The following PCDHGA1 variants were observed in gnomAD, a reference collection of about 807,000 sequenced individuals.
PCDHGA1 encodes the protein protocadherin gamma-A1.
PCDHGA1 carries 32 observed loss-of-function variants against 58.0 expected under a neutral mutation model. The observed-to-expected ratio is 0.55, with a 90% confidence interval of 0.42 to 0.74. The LOEUF (loss-of-function observed/expected upper bound fraction) is 0.74. PCDHGA1 is among the 30% of genes least tolerant of loss of function. PCDHGA1 has a pLI of 0.00. For missense variants in PCDHGA1, 1,205 were observed against 1,182.3 expected, an observed-to-expected ratio of 1.02 and a Z score of -0.28; for synonymous variants, 498 against 501.1, an observed-to-expected ratio of 0.99 and a Z score of 0.08.
At chr5:141,481,812 C>T (rs2099545604) in intron 1 of PCDHGA1, among the ~76,000 whole-genome samples, 2 of 149,798 alleles carry the variant, frequency 1.3e-5, no homozygotes, top group South Asian at 2.1e-4. Context: ...ATTCACCAGG[C>T]GTGGTGGCTG....
intron 1 of PCDHGA1, chr5:141,344,208 C>G: frequency 6.2e-7 from 1 of 1,614,052 alleles, no homozygotes; most frequent in Non-Finnish European, 8.5e-7. Flanking sequence ...GCCCCGGGAG[C>G]TGGCGGAGCG....
intron 1 of PCDHGA1, chr5:141,383,022 AG>A: frequency 6.2e-7 from 1 of 1,613,826 alleles, no homozygotes; most frequent in Non-Finnish European, 8.5e-7. Context: ...AGACGGACAA[AG>A]GGTCCTTTGT....
Position 141,491,300 on chromosome 5 carries a change from G to T in PCDHGA1, c.2422-3507G>T. On this transcript the variant is annotated intron_variant, in intron 1 of 3. Coordinates refer to ENST00000517417, the MANE Select transcript of PCDHGA1 (RefSeq NM_018912.3). The surrounding 1 kb of genome is among the most constrained non-coding windows in gnomAD (Gnocchi z 6.9). Reference sequence around the variant, plus strand: ...GACTTCCTCATACACCCTCCTGAGCGTTCAGACCTTACCCTTTACCTCATT... The same window carrying T: ...GACTTCCTCATACACCCTCCTGAGCTTTCAGACCTTACCCTTTACCTCATT... The T allele has an allele frequency of 6.2e-7, 1 of 1,614,136 alleles. No homozygotes were observed. The highest frequency in any genetic ancestry group is 8.5e-7 in the Non-Finnish European group (1 of 1,179,962).
chr5:141,344,364 G>A (rs1392259698), intron 1 of PCDHGA1: 11 of 1,613,712 alleles, frequency 6.8e-6, no homozygotes, highest in Non-Finnish European at 8.5e-6. Flanking sequence ...CATTCTGGTT[G>A]AGGATAAATT....
intron 1 of PCDHGA1, chr5:141,341,749 G>C: frequency 2.4e-6 from 1 of 419,826 alleles, no homozygotes; most frequent in Non-Finnish European, 4.2e-6. Flanking sequence ...AAAATATAAA[G>C]ATTGGAGTTT....
chr5:141,480,102 T>C (rs568342271), intron 1 of PCDHGA1, among the ~76,000 whole-genome samples: 1 of 152,320 alleles, frequency 6.6e-6, no homozygotes, highest in South Asian at 2.1e-4. Flanking sequence ...GCAAAGTGTT[T>C]AGCATGGTGC....
intron 1 of PCDHGA1, chr5:141,423,755 G>GGT (rs1554116817): frequency 5.9e-6 from 3 of 512,508 alleles, no homozygotes; most frequent in Non-Finnish European, 7.8e-6. Context: ...CTGTTTGGGG[G>GGT]GGGGGTGGGG....
At chr5:141,410,473 A>G (rs1347318074) in intron 1 of PCDHGA1, 1 of 1,614,028 alleles carries the variant, frequency 6.2e-7, no homozygotes, top group East Asian at 2.2e-5. Context: ...TGTGCATTGC[A>G]CATACGGGTA....
chr5:141,346,487 G>A, intron 1 of PCDHGA1: 2 of 1,612,810 alleles, frequency 1.2e-6, no homozygotes, highest in Non-Finnish European at 1.7e-6. Context: ...TGATTATTAA[G>A]AACAAATATG....
rs1314264090 is a variant in PCDHGA1, at chr5:141,490,459, C to T, written c.2422-4348C>T. 7 of 1,614,100 alleles carry T rather than the reference C, an allele frequency of 4.3e-6. No homozygotes were observed. Among genetic ancestry groups the T allele is most frequent in the Non-Finnish European group, 5.9e-6 (7 of 1,180,040 alleles). ...GCCTTCTGAGAACCACTACTCGCTG[C>T]TAACCAGCCAGCCTTTGGACCGGGA... On this transcript the variant is annotated intron_variant, in intron 1 of 3. Coordinates refer to ENST00000517417, the MANE Select transcript of PCDHGA1 (RefSeq NM_018912.3). The surrounding 1 kb of genome is among the most constrained non-coding windows in gnomAD (Gnocchi z 5.4).
intron 1 of PCDHGA1, chr5:141,350,978 A>G (rs1464156311): frequency 6.2e-7 from 1 of 1,613,956 alleles, no homozygotes; most frequent in African/African-American, 1.3e-5. Flanking sequence ...TCCCGTGTTT[A>G]GCCAGGAGGT....
At chr5:141,370,989 C>A in intron 1 of PCDHGA1, 2 of 1,613,982 alleles carry the variant, frequency 1.2e-6, no homozygotes, top group East Asian at 2.2e-5. Flanking sequence ...ACTGAAAGCA[C>A]CCCTGGACAG....
intron 1 of PCDHGA1, among the ~76,000 whole-genome samples, chr5:141,343,574 T>C (rs776107854): frequency 2.6e-5 from 4 of 152,228 alleles, no homozygotes; most frequent in African/African-American, 4.8e-5. Flanking sequence ...AACTCCACTA[T>C]GTTTGAAGCA....
chr5:141,361,767 C>G, intron 1 of PCDHGA1: 1 of 1,613,142 alleles, frequency 6.2e-7, no homozygotes. Context: ...CGCTCAGCGC[C>G]AACGTGAGCC....
At chr5:141,434,193 T>G (rs2097677103) in intron 1 of PCDHGA1, among the ~76,000 whole-genome samples, 1 of 152,246 alleles carries the variant, frequency 6.6e-6, no homozygotes, top group South Asian at 2.1e-4. Flanking sequence ...GTAATTCCAA[T>G]GTACTTACTT....
chr5:141,408,965 C>T lies in PCDHGA1; in HGVS notation c.2421+75860C>T, dbSNP rs767484272. The T allele has an allele frequency of 1.5e-5, 25 of 1,613,688 alleles. No homozygotes were observed. The Admixed American group carries it at 4.2e-4, about 27-fold the overall frequency. On this transcript the variant is annotated intron_variant, in intron 1 of 3. Transcript: ENST00000517417. ...ATATAGAATTAGTCTTAGTGAAAATCTGCCCCCTGGGTCCCCTGTGTTGCA... is the reference window on the plus strand; with the variant it reads ...ATATAGAATTAGTCTTAGTGAAAATTTGCCCCCTGGGTCCCCTGTGTTGCA...
chr5:141,337,295 A>G (rs1055630160), intron 1 of PCDHGA1, among the ~76,000 whole-genome samples: 1 of 152,230 alleles, frequency 6.6e-6, no homozygotes, highest in African/African-American at 2.4e-5. Flanking sequence ...AAGTGAAAAT[A>G]GGGACTTCAA....
intron 1 of PCDHGA1, chr5:141,475,850 G>C (rs2099376325): frequency 8.6e-6 from 4 of 464,524 alleles, no homozygotes; most frequent in Non-Finnish European, 1.5e-5. Flanking sequence ...AGAGAGCCCG[G>C]CGCTAGCTCA....
At chr5:141,478,108 G>A (rs1160328367) in intron 1 of PCDHGA1, 1 of 1,614,046 alleles carries the variant, frequency 6.2e-7, no homozygotes, top group Admixed American at 1.7e-5. Flanking sequence ...CCCTCACTGT[G>A]TCAGTAACCG....
Sources: allele counts gnomAD v4.1 joint callset (sites outside exome capture counted in the v4.1 genomes callset), GRCh38; gene constraint gnomAD v4.1.1; non-coding constraint Gnocchi (gnomAD v3.1); transcripts MANE v1.5; gene names NCBI Gene and HGNC (gene_info 2026-07-23, HGNC 2026-07-21).